The following PLD3 variants were observed in gnomAD, a reference collection of about 807,000 sequenced individuals.
PLD3 encodes the protein 5'-3' exonuclease PLD3.
PLD3 carries 31 observed loss-of-function variants against 58.4 expected under a neutral mutation model. That is an observed-to-expected ratio of 0.53 (90% CI 0.40 to 0.72). The LOEUF (loss-of-function observed/expected upper bound fraction) is 0.72. Among genes scored for constraint, PLD3 ranks in the 30% least tolerant of loss-of-function variants. The pLI, the probability that PLD3 is intolerant of heterozygous loss-of-function variation, is 0.00. For missense variants in PLD3, 595 were observed against 659.8 expected, an observed-to-expected ratio of 0.90 and a Z score of 1.08; for synonymous variants, 264 against 273.4, an observed-to-expected ratio of 0.97 and a Z score of 0.34.
rs757832667 is a variant in PLD3 at position 40,371,825 on chromosome 19, A to C, written c.831A>C (p.Thr277=). ...ATGACACCCGCTACAACCAAGAGAC[A>C]CCAATGGAGATCTGCCTCAATGGAA... ...RFYDTRYNQE[T]PMEICLNGTP... The change falls in exon 9 of 13, where the codon ACA becomes ACC. Residue 277 remains threonine (T), a synonymous_variant. Coordinates refer to ENST00000409735, the MANE Select transcript of PLD3 (RefSeq NM_012268.4). 1.9e-6 allele frequency: 3 copies of C among 1,613,982 alleles called. No homozygotes were observed. Among genetic ancestry groups the C allele is most frequent in the Non-Finnish European group, 2.5e-6 (3 of 1,180,028 alleles).
At chr19:40,354,962 T>C (rs2078617418) in intron 1 of PLD3, among the ~76,000 whole-genome samples, 1 of 147,610 alleles carries the variant, frequency 6.8e-6, no homozygotes, top group African/African-American at 2.5e-5. Flanking sequence ...CTCAGCCCCC[T>C]CAAGTAGCTG....
intron 5 of PLD3, chr19:40,367,194 A>G (rs1373801985): frequency 7.3e-6 from 3 of 413,464 alleles, no homozygotes; most frequent in South Asian, 5.5e-5. Flanking sequence ...TTCCTTCCAC[A>G]CCTCTAGACA....
At chr19:40,377,622 C>T (rs1206774779) in intron 11 of PLD3, among the ~76,000 whole-genome samples, 164 bp from the exon 12 acceptor site, 2 of 152,044 alleles carry the variant, frequency 1.3e-5, no homozygotes, top group African/African-American at 2.4e-5. Context: ...TTTCAGCTTT[C>T]GTTCTCAGAG....
intron 1 of PLD3, among the ~76,000 whole-genome samples, chr19:40,350,150 C>T (rs1367805784): frequency 2.0e-5 from 3 of 150,146 alleles, no homozygotes; most frequent in African/African-American, 7.4e-5. Context: ...ATCCCAGCTA[C>T]TCGGGAGGCT....
rs762406245 is a variant in PLD3, at chr19:40,366,500, T to G, written c.17T>G (p.Met6Arg). The part of the protein sequence containing the change: MKPKL[M>R]YQELKVPAEE... ...TGAGGGAAGATGAAGCCTAAACTGA[T>G]GTACCAGGAGGTAGGTGGATTGGGG... The change falls in exon 3 of 13, where the codon ATG becomes AGG. Residue 6 changes from methionine (M) to arginine (R), a missense_variant. Met to Arg is a moderately conservative substitution (Grantham distance 91). Coordinates refer to ENST00000409735, the MANE Select transcript of PLD3 (RefSeq NM_012268.4). 2.4e-5 allele frequency: 39 copies of G among 1,613,556 alleles called. No individual in the cohort carries two copies. The highest frequency in any genetic ancestry group is 3.2e-5 in the Non-Finnish European group (38 of 1,179,790).
At chr19:40,352,571 CCT>C in intron 1 of PLD3, among the ~76,000 whole-genome samples, 1 of 152,238 alleles carries the variant, frequency 6.6e-6, no homozygotes, top group East Asian at 1.9e-4. Context: ...TGTGACTTCA[CCT>C]CTCTGGATCC....
intron 1 of PLD3, among the ~76,000 whole-genome samples, chr19:40,349,676 C>T (rs763810157): frequency 9.2e-5 from 14 of 152,158 alleles, no homozygotes; most frequent in African/African-American, 1.7e-4. Context: ...ATGTCACCCT[C>T]GGCCGGGTGC....
Position 40,366,510 on chromosome 19 carries a change from G to A in PLD3, c.27G>A (p.Glu9=). 1 of 1,613,494 alleles carries A rather than the reference G, an allele frequency of 6.2e-7. No homozygotes were observed. Among genetic ancestry groups the A allele is most frequent in the Non-Finnish European group, 8.5e-7 (1 of 1,179,644 alleles). Residue 9 remains glutamate, a splice_region_variant and synonymous_variant, in exon 3 of 13, where the codon GAG becomes GAA. Transcript: ENST00000409735. MKPKLMYQ[E]LKVPAEEPAN... ...TGAAGCCTAAACTGATGTACCAGGA[G>A]GTAGGTGGATTGGGGGGCTCAGCAG... is the stretch of plus-strand genomic sequence containing the variant.
At chr19:40,369,503 C>T (rs1293969133) in intron 6 of PLD3, among the ~76,000 whole-genome samples, 1 of 152,202 alleles carries the variant, frequency 6.6e-6, no homozygotes, top group African/African-American at 2.4e-5. Context: ...GGGCCTGGCA[C>T]ACAGTAGGTT....
intron 10 of PLD3, chr19:40,374,882 G>A (rs187791272): frequency 1.3e-4 from 65 of 485,164 alleles, no homozygotes; most frequent in African/African-American, 1.1e-3. Flanking sequence ...AGGGCCGGGC[G>A]TGGTGGCTCA....
At chr19:40,361,881 G>A (rs941729036) in intron 1 of PLD3, among the ~76,000 whole-genome samples, 13 of 147,576 alleles carry the variant, frequency 8.8e-5, no homozygotes, top group South Asian at 2.1e-4. Context: ...TTCCTTTGTC[G>A]CCCACGCTGG....
intron 5 of PLD3, chr19:40,367,127 GA>G (rs1331688415): frequency 3.5e-5 from 20 of 564,444 alleles, no homozygotes; most frequent in Non-Finnish European, 5.6e-5. Context: ...CCTGTGAACA[GA>G]CACAGCATCT....
chr19:40,369,472 G>T (rs1402378736), intron 6 of PLD3, among the ~76,000 whole-genome samples: 13 of 152,214 alleles, frequency 8.5e-5, no homozygotes, highest in Non-Finnish European at 1.8e-4. Context: ...CAGTGAGTTC[G>T]CTGAGAAGAG....
chr19:40,364,761 A>G (rs186298373), intron 1 of PLD3, among the ~76,000 whole-genome samples: 42 of 148,790 alleles, frequency 2.8e-4, no homozygotes, highest in African/African-American at 9.7e-4. Flanking sequence ...GCGCCACTGC[A>G]CTCCAGCGTG....
chr19:40,363,708 G>A (rs1343300990), intron 1 of PLD3, among the ~76,000 whole-genome samples: 3 of 152,094 alleles, frequency 2.0e-5, no homozygotes, highest in Non-Finnish European at 4.4e-5. Context: ...TGGGATTACA[G>A]GCGTGAGCCA....
chr19:40,374,360 T>G, intron 9 of PLD3, 121 bp from the exon 10 acceptor site: 4 of 1,033,424 alleles, frequency 3.9e-6, no homozygotes, highest in Admixed American at 2.1e-5. Context: ...CTCTTCTTCA[T>G]GGAGGCTGAG....
At chr19:40,367,026 G>T (rs1318924614) in intron 5 of PLD3, 111 bp downstream of exon 5, 10 of 1,298,814 alleles carry the variant, frequency 7.7e-6, no homozygotes, top group African/African-American at 4.5e-5. Flanking sequence ...TGCGACAAGT[G>T]AGGAGGTTGC....
At chr19:40,370,268 A>C in intron 8 of PLD3, 31 bp downstream of exon 8, 1 of 1,596,814 alleles carries the variant, frequency 6.3e-7, no homozygotes, top group Non-Finnish European at 8.5e-7. Context: ...CCTTCCTTCC[A>C]GGCCACTCCC....
intron 1 of PLD3, among the ~76,000 whole-genome samples, chr19:40,363,974 C>T (rs151113964): frequency 3.3e-5 from 5 of 152,092 alleles, no homozygotes; most frequent in East Asian, 1.9e-4. Flanking sequence ...AAACTGGTGA[C>T]GCCTGTGTTT....
Sources: gnomAD v4.1 joint callset for allele counts (sites outside exome capture counted in the v4.1 genomes callset) on GRCh38, gnomAD v4.1.1 for gene constraint, MANE v1.5 for transcripts, NCBI Gene and HGNC (gene_info 2026-07-23, HGNC 2026-07-21) for gene names.